Variants in KIF14 observed in about 807,000 individuals in gnomAD.
The protein encoded by KIF14 is kinesin-like protein KIF14.
KIF14 carries 98 observed loss-of-function variants against 176.2 expected under a neutral mutation model. The ratio of observed to expected loss-of-function variants is 0.56; its 90% CI spans 0.47 to 0.66. KIF14 has a LOEUF of 0.66. KIF14 is among the 30% of genes least tolerant of loss of function. The pLI is 0.00. For synonymous variants in KIF14, 566 were observed against 632.2 expected, an observed-to-expected ratio of 0.90 and a Z score of 1.57; for missense variants, 1,751 against 1,920.4, an observed-to-expected ratio of 0.91 and a Z score of 1.65.
At chr1:200,586,790 C>CATATATAT (rs10610890) in intron 18 of KIF14, among the ~76,000 whole-genome samples, 16 of 128,334 alleles carry the variant, frequency 1.2e-4, no homozygotes, top group Admixed American at 7.0e-4. Context: ...TATATACATA[C>CATATATAT]ATATATATAT....
intron 19 of KIF14, among the ~76,000 whole-genome samples, chr1:200,584,158 C>T (rs1658612270): frequency 7.0e-6 from 1 of 143,256 alleles, no homozygotes; most frequent in Non-Finnish European, 1.5e-5. Context: ...GCGGAGGTTG[C>T]AGTAAGCTGA....
chr1:200,589,424 C>T (rs1010917903), intron 17 of KIF14, 55 bp from the exon 18 acceptor site: 70 of 1,438,364 alleles, frequency 4.9e-5, no homozygotes, highest in Non-Finnish European at 6.6e-5. Flanking sequence ...CAAAAAAGTA[C>T]AAAAGTCCCT....
At chr1:200,569,183 C>T (rs1657641513) in intron 23 of KIF14, among the ~76,000 whole-genome samples, 1 of 152,058 alleles carries the variant, frequency 6.6e-6, no homozygotes, top group Admixed American at 6.6e-5. Context: ...CCTCAGCCTC[C>T]CAAAGTGCTA....
At position 200,553,281 on chromosome 1, in the gene KIF14, G is replaced by A; in HGVS notation, c.*107C>T. 8.5e-7 allele frequency: 1 copy of A among 1,179,064 alleles called. No homozygotes were observed. The highest frequency in any genetic ancestry group is 1.2e-6 in the Non-Finnish European group (1 of 853,200). 73.0% of individuals were successfully genotyped at this position (1,179,064 alleles called of 1,614,324 possible). A position where few individuals can be genotyped will look rare whatever the true frequency, so the allele number is the denominator to read the frequency against. On this transcript the variant is annotated 3_prime_UTR_variant, in exon 30 of 30. Coordinates refer to ENST00000367350, the MANE Select transcript of KIF14 (RefSeq NM_014875.3). The stretch of plus-strand genomic sequence containing the variant: ...AAGATAAAAAGACATGGACTTTTTT[G>A]AAATATCTGTGCTGATTTCTCTTAA...
At chr1:200,561,866 G>GT (rs1261993077) in intron 25 of KIF14, among the ~76,000 whole-genome samples, 1 of 152,128 alleles carries the variant, frequency 6.6e-6, no homozygotes, top group African/African-American at 2.4e-5. Flanking sequence ...CCATCTGACA[G>GT]TTAATAAAGA....
At chr1:200,563,598 A>G (rs1657279713) in intron 25 of KIF14, among the ~76,000 whole-genome samples, 1 of 151,954 alleles carries the variant, frequency 6.6e-6, no homozygotes, top group Non-Finnish European at 1.5e-5. Flanking sequence ...ATTATTCACT[A>G]TGTTGCCCAG....
At chr1:200,603,693 A>G (rs1659735709) in intron 9 of KIF14, 146 bp downstream of exon 9, 6 of 562,076 alleles carry the variant, frequency 1.1e-5, no homozygotes, top group Non-Finnish European at 1.9e-5. Context: ...AAAAGTACGT[A>G]TCTCTTTTTC....
intron 2 of KIF14, among the ~76,000 whole-genome samples, chr1:200,616,703 A>G (rs1660420993): frequency 6.6e-6 from 1 of 152,270 alleles, no homozygotes; most frequent in South Asian, 2.1e-4. Flanking sequence ...CCCTTAAAAT[A>G]TTTTAAACAA....
At chr1:200,609,232 G>T (rs893128165) in intron 4 of KIF14, among the ~76,000 whole-genome samples, 2 of 152,104 alleles carry the variant, frequency 1.3e-5, no homozygotes, top group African/African-American at 2.4e-5. Flanking sequence ...GTAATAATAA[G>T]AAGTGAAAAC....
Position 200,592,234 on chromosome 1 carries a change from G to A in KIF14, c.2659C>T (p.Arg887Ter), listed in dbSNP as rs757053461. The A allele has an allele frequency of 1.1e-5, 17 of 1,612,234 alleles. No individual in the cohort carries two copies. Among genetic ancestry groups the A allele is most frequent in the African/African-American group, 4.0e-5 (3 of 74,668 alleles). ...TAATGATCTCCACCAAGAATCACTC[G>A]ATCACCCTAAAGCACACAAAAAAAT... The part of the protein sequence containing the change: ...LEITVLRHGD[R>*]VILGGDHYFR... Residue 887 changes from arginine (R) to a stop codon, truncating the protein, a stop_gained, in exon 16 of 30, where the codon CGA becomes TGA. Coordinates refer to ENST00000367350, the MANE Select transcript of KIF14 (RefSeq NM_014875.3). LOFTEE classifies it high-confidence loss of function.
chr1:200,610,937 TCA>T (rs1660127687), intron 4 of KIF14, among the ~76,000 whole-genome samples: 1 of 152,168 alleles, frequency 6.6e-6, no homozygotes, highest in Non-Finnish European at 1.5e-5. Flanking sequence ...TCACATGTGC[TCA>T]GAATAGGAAA....
At position 200,613,576 on chromosome 1, in the gene KIF14, C is replaced by T. The variant is rs530986490; in HGVS notation, c.1455+742G>A. On this transcript the variant is annotated intron_variant, in intron 4 of 29. Transcript: ENST00000367350. ...CACACCCCTAATCTAGCACAATTTTCCCAATTTCCTTTATCATAAAAAATA... is the reference window on the plus strand; with the variant it reads ...CACACCCCTAATCTAGCACAATTTTTCCAATTTCCTTTATCATAAAAAATA... 2.8e-4 allele frequency among the ~76,000 whole-genome samples: 43 copies of T among 152,248 alleles called. 1 individual carries two copies. In the South Asian group the frequency reaches 8.3e-3, roughly 29 times the overall value.
rs868409613 is a variant in KIF14, at chr1:200,552,632, G to T, written c.*756C>A. ...TAGGTAGCTACTTATAATTTGGAAA[G>T]AAACAGGAAGCTACACCCTTGAACA... On this transcript the variant is annotated 3_prime_UTR_variant, in exon 30 of 30. Coordinates refer to ENST00000367350, the MANE Select transcript of KIF14 (RefSeq NM_014875.3). 31 of 152,088 alleles carry T rather than the reference G, an allele frequency of 2.0e-4. No individual in the cohort carries two copies. The highest frequency in any genetic ancestry group is 3.4e-3 in the Middle Eastern group (1 of 294). 9.4% of individuals were successfully genotyped at this position (152,088 alleles called of 1,614,324 possible). A position where few individuals can be genotyped will look rare whatever the true frequency, so the allele number is the denominator to read the frequency against.
At chr1:200,561,570 A>AGC (rs1657161583) in intron 25 of KIF14, among the ~76,000 whole-genome samples, 10 of 151,794 alleles carry the variant, frequency 6.6e-5, no homozygotes, top group Non-Finnish European at 1.5e-4. Flanking sequence ...GAGAAGAAAA[A>AGC]AAAAAAAAAG....
chr1:200,608,827 T>C lies in KIF14; in HGVS notation c.1554+3A>G. On this transcript the variant is annotated splice_donor_region_variant and intron_variant, in intron 5 of 29. Coordinates refer to ENST00000367350, the MANE Select transcript of KIF14 (RefSeq NM_014875.3). ...AACAAATAATAAATTGTTTTAATCT[T>C]ACTGGTTGCTTTCTCTGCCCATTTT... 6.5e-7 allele frequency: 1 copy of C among 1,536,518 alleles called. No homozygotes were observed. Among genetic ancestry groups the C allele is most frequent in the African/African-American group, 1.4e-5 (1 of 73,376 alleles).
At chr1:200,619,563 G>C (rs1009392878) in intron 1 of KIF14, among the ~76,000 whole-genome samples, 1 of 152,136 alleles carries the variant, frequency 6.6e-6, no homozygotes, top group Non-Finnish European at 1.5e-5. Flanking sequence ...ATGTTGGCCA[G>C]GATGGTCTCG....
At chr1:200,583,114 C>T (rs1212941362) in intron 19 of KIF14, among the ~76,000 whole-genome samples, 3 of 151,840 alleles carry the variant, frequency 2.0e-5, no homozygotes, top group African/African-American at 7.2e-5. Flanking sequence ...CAGCAAATTA[C>T]TAGATGAAAG....
Position 200,618,348 on chromosome 1 carries a change from T to TAG in KIF14, c.374_375dup (p.Lys126LeufsTer14), listed in dbSNP as rs771632012. Reference sequence around the variant, plus strand: ...TTCCACTTTTCTGCAGAATCTGTTTTAGCACGACGTTGTAATGTAAGACGT... The same window carrying TAG: ...TTCCACTTTTCTGCAGAATCTGTTTTAGAGCACGACGTTGTAATGTAAGACGT... On this transcript the variant is annotated frameshift_variant, in exon 2 of 30. Coordinates refer to ENST00000367350, the MANE Select transcript of KIF14 (RefSeq NM_014875.3). LOFTEE classifies it high-confidence loss of function. 9 of 1,614,030 alleles carry TAG rather than the reference T, an allele frequency of 5.6e-6. No individual in the cohort carries two copies. The highest frequency in any genetic ancestry group is 7.6e-6 in the Non-Finnish European group (9 of 1,180,044).
intron 23 of KIF14, among the ~76,000 whole-genome samples, chr1:200,568,409 T>G (rs1571474234): frequency 6.6e-6 from 1 of 152,226 alleles, no homozygotes; most frequent in African/African-American, 2.4e-5. Flanking sequence ...ATCATAATTA[T>G]CTTCCTAAAA....
Sources: gnomAD v4.1 joint callset for allele counts (sites outside exome capture counted in the v4.1 genomes callset) on GRCh38, gnomAD v4.1.1 for gene constraint, MANE v1.5 for transcripts, NCBI Gene and HGNC (gene_info 2026-07-23, HGNC 2026-07-21) for gene names.